B3GLCT: variants seen among roughly 807,000 people sequenced by gnomAD.
B3GLCT encodes beta-1,3-glucosyltransferase.
Under a neutral mutation model 63.4 loss-of-function variants are expected in B3GLCT, and 65 were observed. That is an observed-to-expected ratio of 1.03 (90% confidence interval 0.84 to 1.26). The LOEUF is 1.26. Ranked by LOEUF, B3GLCT falls within the 50% of genes most tolerant of loss-of-function variation. The pLI, the probability that B3GLCT is intolerant of heterozygous loss-of-function variation, is 0.00. For missense variants in B3GLCT, 577 were observed against 604.8 expected, an observed-to-expected ratio of 0.95 and a Z score of 0.48; for synonymous variants, 233 against 219.2, an observed-to-expected ratio of 1.06 and a Z score of -0.55.
intron 12 of B3GLCT, among the ~76,000 whole-genome samples, chr13:31,316,768 G>T (rs1408279676): frequency 1.3e-5 from 2 of 151,900 alleles, no homozygotes; most frequent in African/African-American, 4.8e-5. Context: ...ACTTAAAAAA[G>T]TTATTTTTCG....
intron 12 of B3GLCT, among the ~76,000 whole-genome samples, chr13:31,316,376 G>A (rs1490761629): frequency 8.1e-6 from 1 of 123,160 alleles, no homozygotes; most frequent in African/African-American, 2.9e-5. Flanking sequence ...TCCTGGATGT[G>A]AGACATGGAA....
intron 1 of B3GLCT, among the ~76,000 whole-genome samples, chr13:31,213,824 G>A (rs916194041): frequency 3.9e-5 from 6 of 152,044 alleles, no homozygotes; most frequent in African/African-American, 7.3e-5. Context: ...TCTTGGGGAG[G>A]CCTTGTATAA....
In B3GLCT at chr13:31,323,753, T is replaced by C. The variant is rs1447028833; in HGVS notation, c.1187T>C (p.Met396Thr). ...GYSYITGGGG[M>T]VFSREAVRRL... ...TTCTCTGCTCTGGCTCCCACTAGAA[T>C]GGTCTTCAGCAGAGAAGCCGTCAGG... is the stretch of plus-strand genomic sequence containing the variant. Residue 396 changes from methionine to threonine, a missense_variant and splice_region_variant, in exon 14 of 15, where the codon ATG (methionine) becomes ACG (threonine). Transcript: ENST00000343307. The C allele has an allele frequency of 1.9e-6, 3 of 1,613,986 alleles. No homozygotes were observed. Among genetic ancestry groups the C allele is most frequent in the African/African-American group, 2.7e-5 (2 of 74,904 alleles).
chr13:31,211,039 G>A (rs968180501), intron 1 of B3GLCT, among the ~76,000 whole-genome samples: 17 of 151,932 alleles, frequency 1.1e-4, no homozygotes, highest in Admixed American at 3.9e-4. Flanking sequence ...CACCACGTCC[G>A]GCCACGTTTG....
At chr13:31,221,350 G>T (rs975454841) in intron 2 of B3GLCT, among the ~76,000 whole-genome samples, 6 of 152,202 alleles carry the variant, frequency 3.9e-5, no homozygotes, top group African/African-American at 1.4e-4. Context: ...TTCCCTGAGG[G>T]CAGGTTGTCT....
At chr13:31,321,220 C>T (rs560487999) in intron 13 of B3GLCT, among the ~76,000 whole-genome samples, 5 of 152,186 alleles carry the variant, frequency 3.3e-5, no homozygotes, top group African/African-American at 4.8e-5. Flanking sequence ...TCTTTAATAG[C>T]GCTTTTACAA....
intron 12 of B3GLCT, among the ~76,000 whole-genome samples, chr13:31,301,354 C>T (rs1312529056): frequency 1.3e-5 from 2 of 152,212 alleles, no homozygotes; most frequent in Non-Finnish European, 2.9e-5. Context: ...GCAGTCTTAA[C>T]TGGTTCCAAT....
rs140923872 is a variant in B3GLCT at position 31,241,703 on chromosome 13, C to G, written c.271-5320C>G. ...CTTTTTTATGGCATTTGAACTAAGC[C>G]TTGAAGAAATGTAGTATAAGTTTGG... On this transcript the variant is annotated intron_variant, in intron 4 of 14. Transcript: ENST00000343307. 3.4e-3 allele frequency among the ~76,000 whole-genome samples: 512 copies of G among 152,236 alleles called. 3 individuals carry two copies. The highest frequency in any genetic ancestry group is 5.5e-3 in the Non-Finnish European group (375 of 68,012).
At chr13:31,237,036 G>T (rs892717832) in intron 4 of B3GLCT, among the ~76,000 whole-genome samples, 1 of 151,834 alleles carries the variant, frequency 6.6e-6, no homozygotes. Flanking sequence ...AGAGGCAGGA[G>T]AGTTGCCTGG....
intron 1 of B3GLCT, among the ~76,000 whole-genome samples, chr13:31,204,993 A>G (rs947488097): frequency 2.6e-5 from 4 of 152,198 alleles, no homozygotes; most frequent in African/African-American, 9.7e-5. Flanking sequence ...AGTATAATGA[A>G]TTTTAAGTGT....
At chr13:31,326,169 T>C (rs1011828603) in intron 14 of B3GLCT, among the ~76,000 whole-genome samples, 2 of 152,120 alleles carry the variant, frequency 1.3e-5, no homozygotes, top group Non-Finnish European at 2.9e-5. Context: ...AGAAAGGCAC[T>C]TGTCTAAGGA....
At chr13:31,263,587 G>C (rs753942687) in intron 7 of B3GLCT, among the ~76,000 whole-genome samples, 6 of 152,138 alleles carry the variant, frequency 3.9e-5, no homozygotes, top group African/African-American at 7.2e-5. Context: ...CTCACCACAT[G>C]ACTAGCTTCC....
intron 1 of B3GLCT, among the ~76,000 whole-genome samples, chr13:31,206,289 C>T (rs1333710508): frequency 3.3e-5 from 5 of 152,188 alleles, no homozygotes; most frequent in Non-Finnish European, 7.3e-5. Context: ...CAGATTCCTG[C>T]GTTCCAGCTC....
intron 3 of B3GLCT, among the ~76,000 whole-genome samples, chr13:31,227,668 G>A (rs928811832): frequency 2.0e-5 from 3 of 152,150 alleles, no homozygotes; most frequent in Non-Finnish European, 4.4e-5. Flanking sequence ...ATTATTTTTA[G>A]GATCTAGATG....
At chr13:31,308,332 T>TAAAAAAAAAATTA (rs1491270945) in intron 12 of B3GLCT, among the ~76,000 whole-genome samples, 2 of 32,842 alleles carry the variant, frequency 6.1e-5, no homozygotes, top group African/African-American at 1.4e-4. Context: ...TAGAGTATAA[T>TAAAAAAAAAATTA]AAAAAAAAAA....
At chr13:31,222,074 A>ATTTTTTT (rs5802597) in intron 2 of B3GLCT, among the ~76,000 whole-genome samples, 1 of 92,950 alleles carries the variant, frequency 1.1e-5, no homozygotes, top group Non-Finnish European at 2.2e-5. Context: ...TGTGCTCCTG[A>ATTTTTTT]TTTTTTTTTT....
chr13:31,200,449 A>G (rs1868590749), intron 1 of B3GLCT, among the ~76,000 whole-genome samples: 1 of 149,480 alleles, frequency 6.7e-6, no homozygotes, highest in African/African-American at 2.4e-5. Context: ...GCCGCCCCGA[A>G]CCGGCGGGCG....
intron 3 of B3GLCT, among the ~76,000 whole-genome samples, chr13:31,227,402 G>C (rs1870154979): frequency 6.6e-6 from 1 of 152,134 alleles, no homozygotes; most frequent in Non-Finnish European, 1.5e-5. Context: ...CTCCTCTTTA[G>C]ATGTGTCAGT....
At chr13:31,299,780 A>G (rs1352164869) in intron 12 of B3GLCT, among the ~76,000 whole-genome samples, 1 of 152,184 alleles carries the variant, frequency 6.6e-6, no homozygotes, top group East Asian at 1.9e-4. Context: ...AAACCTGGAA[A>G]GGGGCTCTTC....
Sources: allele counts gnomAD v4.1 joint callset (sites outside exome capture counted in the v4.1 genomes callset), GRCh38; gene constraint gnomAD v4.1.1; transcripts MANE v1.5; gene names NCBI Gene and HGNC (gene_info 2026-07-23, HGNC 2026-07-21).